GUCY2F: variants seen among roughly 807,000 people sequenced by gnomAD.
GUCY2F encodes the protein guanylate cyclase 2F, retinal.
GUCY2F carries 61 observed loss-of-function variants against 73.1 expected under a neutral mutation model. That is an observed-to-expected ratio of 0.83 (90% CI 0.68 to 1.03). The LOEUF is 1.03. Ranked by LOEUF, GUCY2F falls within the 50% of genes least tolerant of loss-of-function variation. GUCY2F has a pLI of 0.00. For synonymous variants in GUCY2F, 331 were observed against 307.8 expected (o/e 1.08, Z -0.79); for missense variants, 912 against 854.3 (o/e 1.07, Z -0.84).
chrX:109,427,184 T>C (rs969739212), intron 8 of GUCY2F, among the ~76,000 whole-genome samples: 2 of 112,019 alleles, frequency 1.8e-5, no homozygotes, highest in African/African-American at 3.2e-5. Context: ...ATAGAGGCTC[T>C]AGAATGGCCC....
At chrX:109,382,338 T>A in intron 16 of GUCY2F, 126 bp from the exon 17 acceptor site, 1 of 468,865 alleles carries the variant, frequency 2.1e-6, no homozygotes, top group South Asian at 3.4e-5. Context: ...CTGAGAGAGG[T>A]TTACTTAGGG....
intron 15 of GUCY2F, among the ~76,000 whole-genome samples, chrX:109,388,164 T>C (rs1232901060): frequency 3.6e-5 from 4 of 111,178 alleles, no homozygotes; most frequent in Admixed American, 9.6e-5. Flanking sequence ...AATTCAGAAG[T>C]AGGGATTTTA....
At chrX:109,408,468 G>A (rs1027519585) in intron 9 of GUCY2F, among the ~76,000 whole-genome samples, 1 of 112,003 alleles carries the variant, frequency 8.9e-6, no homozygotes, top group Non-Finnish European at 1.9e-5. Context: ...GGGACTATTG[G>A]GAAGGCATGA....
At chrX:109,417,668 T>C (rs1931277433) in intron 8 of GUCY2F, among the ~76,000 whole-genome samples, 1 of 110,689 alleles carries the variant, frequency 9.0e-6, no homozygotes, top group Admixed American at 9.6e-5. Context: ...TAAATGTAAG[T>C]AGCCTAAACA....
intron 12 of GUCY2F, among the ~76,000 whole-genome samples, chrX:109,394,291 A>C (rs7051786): frequency 0.099 from 11,071 of 111,563 alleles, 1,376 homozygotes; most frequent in African/African-American, 0.34. Flanking sequence ...GCATCAACAC[A>C]GGGGCAAATG....
intron 9 of GUCY2F, among the ~76,000 whole-genome samples, chrX:109,407,480 A>G (rs1177577386): frequency 8.8e-6 from 1 of 113,224 alleles, no homozygotes; most frequent in Non-Finnish European, 1.9e-5. Flanking sequence ...GGAGAAATTC[A>G]AGCTGGCTGC....
intron 2 of GUCY2F, among the ~76,000 whole-genome samples, chrX:109,474,209 T>C (rs935150464): frequency 1.8e-5 from 2 of 112,190 alleles, no homozygotes; most frequent in Admixed American, 9.4e-5. Context: ...AGGAAATGAC[T>C]GGGACCAGGA....
At chrX:109,413,307 C>T in intron 8 of GUCY2F, among the ~76,000 whole-genome samples, 1 of 112,197 alleles carries the variant, frequency 8.9e-6, no homozygotes, top group East Asian at 2.8e-4. Context: ...ATATACTTTA[C>T]CTCTTCCATA....
At chrX:109,383,765 G>C (rs1024912350) in intron 16 of GUCY2F, among the ~76,000 whole-genome samples, 1 of 112,217 alleles carries the variant, frequency 8.9e-6, no homozygotes, top group African/African-American at 3.2e-5. Context: ...GCAAGGTGCT[G>C]TCTACATCTC....
rs756743167 is a variant in GUCY2F at position 109,397,036 on chromosome X, T to C, written c.2275+1513A>G. Among the ~76,000 whole-genome samples, 12 of 112,051 alleles carry C rather than the reference T, an allele frequency of 1.1e-4. No homozygotes were observed. In the South Asian group the frequency reaches 4.5e-3, roughly 42 times the overall value. ...TGGCAAACAATATAAGTGCTCTAGC[T>C]GAGATAGGCACTTGTGAGTATAGAA... is the stretch of plus-strand genomic sequence containing the variant. On this transcript the variant is annotated intron_variant, in intron 11 of 19. Coordinates refer to ENST00000218006, the MANE Select transcript of GUCY2F (RefSeq NM_001522.3).
chrX:109,374,553 C>T (rs1277435871), intron 19 of GUCY2F, among the ~76,000 whole-genome samples: 1 of 111,802 alleles, frequency 8.9e-6, no homozygotes, highest in African/African-American at 3.3e-5. Context: ...GATTCTTGTA[C>T]AGTGCCTCCA....
rs1226106066 is a variant in GUCY2F at position 109,458,355 on chromosome X, G to A, written c.1033-4496C>T. On this transcript the variant is annotated intron_variant, in intron 3 of 19. Coordinates refer to ENST00000218006, the MANE Select transcript of GUCY2F (RefSeq NM_001522.3). The stretch of plus-strand genomic sequence containing the variant: ...TATGACCTTGAGCAAGTTACCTTGA[G>A]CCTTAGTTTCCTCAACCACAAAATG... Among the ~76,000 whole-genome samples the A allele has an allele frequency of 3.6e-5, 4 of 111,618 alleles. No homozygotes were observed. The East Asian group carries it at 1.1e-3, about 31-fold the overall frequency.
rs1207483913 is a variant in GUCY2F, at chrX:109,465,423, A to G, written c.751T>C (p.Ser251Pro). 6.7e-6 allele frequency: 8 copies of G among 1,198,905 alleles called. No individual in the cohort carries two copies. Among genetic ancestry groups the G allele is most frequent in the Non-Finnish European group, 9.0e-6 (8 of 886,805 alleles). ...RIRIIIMCMHSALIGGETQMH... is the reference protein window; with the variant it reads ...RIRIIIMCMHPALIGGETQMH... ...TGAGTCTCTCCCCCAATCAAAGCTGAATGCATACACATGATGATTACTGAA... is the reference window on the plus strand; with the variant it reads ...TGAGTCTCTCCCCCAATCAAAGCTGGATGCATACACATGATGATTACTGAA... The change falls in exon 3 of 20, where the codon TCA becomes CCA. Residue 251 changes from serine to proline, a missense_variant. Transcript: ENST00000218006.
At chrX:109,385,849 T>C (rs892380298) in intron 15 of GUCY2F, among the ~76,000 whole-genome samples, 2 of 112,461 alleles carry the variant, frequency 1.8e-5, no homozygotes, top group African/African-American at 6.5e-5. Context: ...TCTTACATTT[T>C]AATATGGCTG....
intron 2 of GUCY2F, among the ~76,000 whole-genome samples, chrX:109,473,799 A>G (rs1459577838): frequency 8.9e-6 from 1 of 112,233 alleles, no homozygotes; most frequent in African/African-American, 3.2e-5. Flanking sequence ...TGAAACATTC[A>G]TGGAATATAA....
chrX:109,459,116 T>C (rs1041050362), intron 3 of GUCY2F, among the ~76,000 whole-genome samples: 1 of 111,212 alleles, frequency 9.0e-6, no homozygotes, highest in Non-Finnish European at 1.9e-5. Flanking sequence ...TCACTCTCTT[T>C]CTCCTCTCAA....
At chrX:109,420,793 A>G (rs1246306122) in intron 8 of GUCY2F, among the ~76,000 whole-genome samples, 1 of 111,588 alleles carries the variant, frequency 9.0e-6, no homozygotes, top group Non-Finnish European at 1.9e-5. Flanking sequence ...AGAAAGGCAA[A>G]TATCAAAAAG....
At chrX:109,418,680 AAAAG>A (rs1182175870) in intron 8 of GUCY2F, among the ~76,000 whole-genome samples, 1 of 111,601 alleles carries the variant, frequency 9.0e-6, no homozygotes, top group Non-Finnish European at 1.9e-5. Context: ...GCTTAAATTA[AAAAG>A]AAAGAATGTT....
intron 7 of GUCY2F, among the ~76,000 whole-genome samples, chrX:109,432,830 G>A (rs780257883): frequency 8.9e-6 from 1 of 112,220 alleles, no homozygotes; most frequent in African/African-American, 3.2e-5. Context: ...GAGAGGGGGT[G>A]AGAAGTCGAA....
Sources: allele counts gnomAD v4.1 joint callset (sites outside exome capture counted in the v4.1 genomes callset), GRCh38; gene constraint gnomAD v4.1.1; transcripts MANE v1.5; gene names NCBI Gene and HGNC (gene_info 2026-07-23, HGNC 2026-07-21).